FOXO3: variants seen among roughly 807,000 people sequenced by gnomAD.
FOXO3 encodes forkhead box O3, also known as forkhead box protein O3.
In FOXO3, 4 loss-of-function variants were observed where a neutral mutation model predicts 41.9. The observed-to-expected ratio is 0.10, with a 90% CI of 0.05 to 0.22. The LOEUF (loss-of-function observed/expected upper bound fraction) is 0.22, where lower values mean the gene tolerates loss of function less well. Ranked by LOEUF, FOXO3 falls within the 10% of genes least tolerant of loss-of-function variation. The pLI is 1.00. For missense variants in FOXO3, 534 were observed against 906.8 expected (o/e 0.59, Z 5.28); for synonymous variants, 318 against 389.3 (o/e 0.82, Z 2.16).
intron 1 of FOXO3, among the ~76,000 whole-genome samples, chr6:108,582,771 C>T (rs1377771559): frequency 6.6e-6 from 1 of 151,978 alleles, no homozygotes; most frequent in African/African-American, 2.4e-5. Context: ...GACGGTAGGC[C>T]AGTCCACCTG....
chr6:108,563,571 G>A (rs192266330), intron 1 of FOXO3, among the ~76,000 whole-genome samples: 2 of 152,200 alleles, frequency 1.3e-5, no homozygotes, highest in Non-Finnish European at 2.9e-5. Context: ...GGTTCGAAAT[G>A]TTTTTCAGAT....
chr6:108,588,316 A>G (rs1452379268), intron 1 of FOXO3, among the ~76,000 whole-genome samples: 1 of 151,380 alleles, frequency 6.6e-6, no homozygotes, highest in Non-Finnish European at 1.5e-5. Context: ...TGCATAGACC[A>G]TTGACTGGAT....
At chr6:108,638,141 A>G (rs991494852) in intron 1 of FOXO3, among the ~76,000 whole-genome samples, 2 of 152,282 alleles carry the variant, frequency 1.3e-5, no homozygotes, top group Middle Eastern at 3.4e-3. Flanking sequence ...ATACATCCCT[A>G]TGGCATTTTG....
intron 2 of FOXO3, 134 bp downstream of exon 2, chr6:108,665,023 C>A: frequency 1.0e-6 from 1 of 993,926 alleles, no homozygotes; most frequent in Non-Finnish European, 1.5e-6. Context: ...CATAATATGG[C>A]TCCCAGCCAG....
intron 1 of FOXO3, among the ~76,000 whole-genome samples, chr6:108,565,110 A>G (rs1469495122): frequency 6.6e-6 from 1 of 152,292 alleles, no homozygotes; most frequent in African/African-American, 2.4e-5. Flanking sequence ...TTATTATTTC[A>G]GCATCAAAAG....
chr6:108,565,585 T>G (rs1410051987), intron 1 of FOXO3, among the ~76,000 whole-genome samples: 2 of 152,188 alleles, frequency 1.3e-5, no homozygotes, highest in African/African-American at 4.8e-5. Flanking sequence ...AGACTTGAGT[T>G]TCTGTAGTGG....
Position 108,561,188 on chromosome 6 carries a change from G to A in FOXO3, c.-21G>A. ...AGAGGAGAGCGCGAGAGCCCCAGCC[G>A]CGGGCGGGCGGGCGGCGAAGATGGC... On this transcript the variant is annotated 5_prime_UTR_variant, in exon 1 of 3. Coordinates refer to ENST00000406360, the MANE Select transcript of FOXO3 (RefSeq NM_001455.4). 6.6e-7 allele frequency: 1 copy of A among 1,523,652 alleles called. No individual in the cohort carries two copies. Among genetic ancestry groups the A allele is most frequent in the Non-Finnish European group, 8.8e-7 (1 of 1,137,754 alleles). The allele number at this position is 1,523,652 out of a possible 1,614,324, so 94.4% of individuals were successfully genotyped here.
intron 1 of FOXO3, among the ~76,000 whole-genome samples, chr6:108,629,315 G>A (rs1201216463): frequency 6.6e-6 from 1 of 152,084 alleles, no homozygotes; most frequent in Non-Finnish European, 1.5e-5. Flanking sequence ...CTGTAGGAAA[G>A]GCAGGTAAGA....
chr6:108,633,279 A>G (rs1220935597), intron 1 of FOXO3, among the ~76,000 whole-genome samples: 1 of 152,078 alleles, frequency 6.6e-6, no homozygotes, highest in African/African-American at 2.4e-5. Flanking sequence ...TTGGATAAGA[A>G]CTTTCACTCG....
intron 1 of FOXO3, among the ~76,000 whole-genome samples, chr6:108,619,757 C>T (rs1777615231): frequency 6.6e-6 from 1 of 152,176 alleles, no homozygotes; most frequent in Admixed American, 6.5e-5. Flanking sequence ...GCTAATACCC[C>T]TGATTAAGAA....
intron 1 of FOXO3, among the ~76,000 whole-genome samples, chr6:108,566,785 T>C (rs1775957221): frequency 6.6e-6 from 1 of 152,212 alleles, no homozygotes; most frequent in Non-Finnish European, 1.5e-5. Flanking sequence ...TGAGGGGTCC[T>C]GAAGAGCCAC....
At chr6:108,614,452 CTTCTA>C (rs1173077181) in intron 1 of FOXO3, among the ~76,000 whole-genome samples, 40 of 152,202 alleles carry the variant, frequency 2.6e-4, no homozygotes, top group Non-Finnish European at 4.4e-5. Context: ...TACATTGACT[CTTCTA>C]TTATGAATTG....
chr6:108,651,600 T>A lies in FOXO3; in HGVS notation c.622-11855T>A, dbSNP rs569486864. ...TATGTGTGACGCTAAAGCCAGTAAA[T>A]TTCATGTGAAGGAAGGGATTGTAAA... On this transcript the variant is annotated intron_variant, in intron 1 of 2. Transcript: ENST00000406360. Among the ~76,000 whole-genome samples the A allele has an allele frequency of 1.5e-4, 23 of 152,288 alleles. No homozygotes were observed. The South Asian group carries it at 4.8e-3, about 32-fold the overall frequency.
At chr6:108,630,376 G>A (rs532103934) in intron 1 of FOXO3, among the ~76,000 whole-genome samples, 1 of 152,270 alleles carries the variant, frequency 6.6e-6, no homozygotes, top group South Asian at 2.1e-4. Context: ...AGGGGGATAA[G>A]TGGTAAAGAG....
chr6:108,658,277 C>T (rs1295241850), intron 1 of FOXO3, among the ~76,000 whole-genome samples: 1 of 152,042 alleles, frequency 6.6e-6, no homozygotes, highest in African/African-American at 2.4e-5. Context: ...GGAAGGCTGG[C>T]CACCCTGTAT....
At chr6:108,587,276 A>G (rs1034233482) in intron 1 of FOXO3, among the ~76,000 whole-genome samples, 5 of 151,970 alleles carry the variant, frequency 3.3e-5, no homozygotes, top group African/African-American at 4.8e-5. Context: ...TCTCACCTCT[A>G]CCAGGGTCTC....
intron 1 of FOXO3, among the ~76,000 whole-genome samples, chr6:108,652,646 C>G (rs187907422): frequency 7.2e-5 from 11 of 152,372 alleles, no homozygotes; most frequent in African/African-American, 2.4e-4. Flanking sequence ...TCAGTTTCCT[C>G]CTGACAGGCT....
intron 1 of FOXO3, among the ~76,000 whole-genome samples, chr6:108,660,222 C>G (rs181146907): frequency 6.2e-4 from 95 of 152,276 alleles, no homozygotes; most frequent in Admixed American, 2.3e-3. Context: ...TGCCTGCTTT[C>G]TGAACACTGC....
intron 1 of FOXO3, among the ~76,000 whole-genome samples, chr6:108,582,328 G>A (rs1776443710): frequency 6.6e-6 from 1 of 152,136 alleles, no homozygotes; most frequent in African/African-American, 2.4e-5. Flanking sequence ...CCAGCCTTGT[G>A]TTGTTGTTGT....
Sources: gnomAD v4.1 joint callset for allele counts (sites outside exome capture counted in the v4.1 genomes callset) on GRCh38, gnomAD v4.1.1 for gene constraint, MANE v1.5 for transcripts, NCBI Gene and HGNC (gene_info 2026-07-23, HGNC 2026-07-21) for gene names.